WWTR1: variants seen among roughly 807,000 people sequenced by gnomAD.
The protein encoded by WWTR1 is WW domain containing transcription regulator 1.
A neutral mutation model predicts 40.1 loss-of-function variants in WWTR1; 13 were observed. That is an observed-to-expected ratio of 0.32 (90% CI 0.21 to 0.52). The LOEUF (loss-of-function observed/expected upper bound fraction) is 0.52. Ranked by LOEUF, WWTR1 falls within the 20% of genes least tolerant of loss-of-function variation. WWTR1 has a pLI of 0.97. For synonymous variants in WWTR1, 230 were observed against 210.1 expected (o/e 1.09, Z -0.82); for missense variants, 436 against 523.1 (o/e 0.83, Z 1.63).
intron 2 of WWTR1, among the ~76,000 whole-genome samples, chr3:149,583,501 T>A (rs1241752339): frequency 2.6e-5 from 4 of 152,110 alleles, no homozygotes; most frequent in Non-Finnish European, 5.9e-5. Context: ...CTTGCTCTGC[T>A]CCCCAAAATC....
chr3:149,585,915 G>T (rs192443711), intron 2 of WWTR1, among the ~76,000 whole-genome samples: 9 of 152,250 alleles, frequency 5.9e-5, no homozygotes, highest in Admixed American at 5.2e-4. Flanking sequence ...AGCCTTGAAG[G>T]TTCTATGACT....
upstream of WWTR1, chr3:149,661,009 T>C (rs934118547): frequency 5.9e-5 from 9 of 152,242 alleles, no homozygotes; most frequent in African/African-American, 2.2e-4. Flanking sequence ...GTGATTTGCC[T>C]TAACCAGGAA....
chr3:149,559,450 T>C (rs1736995228), intron 3 of WWTR1, among the ~76,000 whole-genome samples: 1 of 152,030 alleles, frequency 6.6e-6, no homozygotes, highest in African/African-American at 2.4e-5. Flanking sequence ...GATAGATGGA[T>C]AGATGGATAG....
chr3:149,620,087 C>T (rs1400241215), intron 2 of WWTR1, among the ~76,000 whole-genome samples: 1 of 152,168 alleles, frequency 6.6e-6, no homozygotes, highest in African/African-American at 2.4e-5. Flanking sequence ...TTTCTTAAAT[C>T]CTAGAAACAG....
At chr3:149,540,546 T>C (rs948662999) in intron 4 of WWTR1, among the ~76,000 whole-genome samples, 25 of 152,206 alleles carry the variant, frequency 1.6e-4, no homozygotes, top group African/African-American at 5.8e-4. Context: ...TAAAATGCTG[T>C]TGGGATACTG....
chr3:149,571,214 C>CTTTTTTTT (rs10535515), intron 3 of WWTR1, among the ~76,000 whole-genome samples: 12 of 101,252 alleles, frequency 1.2e-4, no homozygotes, highest in East Asian at 6.7e-4. Flanking sequence ...TTTTTCTTTT[C>CTTTTTTTT]TTTTTTTTTT....
intron 1 of WWTR1, among the ~76,000 whole-genome samples, chr3:149,677,242 T>C (rs1380064820): frequency 2.6e-5 from 4 of 152,032 alleles, no homozygotes; most frequent in Admixed American, 2.6e-4. Context: ...GAGGGCACAG[T>C]CCCTAGGCAA....
chr3:149,571,214 C>CTTTTTTTTT (rs10535515), intron 3 of WWTR1, among the ~76,000 whole-genome samples: 5 of 101,256 alleles, frequency 4.9e-5, no homozygotes, highest in African/African-American at 7.8e-5. Flanking sequence ...TTTTTCTTTT[C>CTTTTTTTTT]TTTTTTTTTT....
chr3:149,673,478 T>A (rs1455117494), intron 1 of WWTR1, among the ~76,000 whole-genome samples: 2 of 152,184 alleles, frequency 1.3e-5, no homozygotes, highest in Admixed American at 6.5e-5. Flanking sequence ...AGAGGGATCA[T>A]TCACACTGCA....
chr3:149,568,523 CAAAAAAAAAAAAAAAAAAA>C (rs34414853), intron 3 of WWTR1, among the ~76,000 whole-genome samples: 16 of 64,816 alleles, frequency 2.5e-4, no homozygotes, highest in South Asian at 1.4e-3. Context: ...AATTAAAGTG[CAAAAAAAAAAAAAAAAAAA>C]AAAAAAAAAA....
chr3:149,661,105 G>A (rs945296468), upstream of WWTR1: 4 of 152,200 alleles, frequency 2.6e-5, no homozygotes, highest in Non-Finnish European at 4.4e-5. Context: ...TGTACTTTTA[G>A]GAGACCTGAG....
chr3:149,677,937 A>ATTT (rs34388497), intron 1 of WWTR1, among the ~76,000 whole-genome samples: 23 of 142,840 alleles, frequency 1.6e-4, no homozygotes, highest in African/African-American at 5.9e-4. Flanking sequence ...TAATTTTTGT[A>ATTT]TTTTTTTTTT....
chr3:149,545,014 C>T (rs1736301705), intron 3 of WWTR1, among the ~76,000 whole-genome samples: 1 of 152,162 alleles, frequency 6.6e-6, no homozygotes, highest in African/African-American at 2.4e-5. Flanking sequence ...AGGGAAAGCT[C>T]AGGAAACGAT....
intron 2 of WWTR1, chr3:149,575,979 C>A (rs1199547500): frequency 6.6e-6 from 3 of 456,650 alleles, no homozygotes; most frequent in Admixed American, 4.7e-5. Flanking sequence ...ACCCAGCCAA[C>A]ACATTTAAAG....
At chr3:149,580,433 C>T (rs1738088438) in intron 2 of WWTR1, among the ~76,000 whole-genome samples, 1 of 152,120 alleles carries the variant, frequency 6.6e-6, no homozygotes, top group Non-Finnish European at 1.5e-5. Context: ...AGTGGAAGCC[C>T]ATTGCAGTGG....
chr3:149,565,928 C>CAAAAA (rs58536558), intron 3 of WWTR1, among the ~76,000 whole-genome samples: 3 of 73,462 alleles, frequency 4.1e-5, no homozygotes, highest in African/African-American at 1.1e-4. Flanking sequence ...AACTCTGTCT[C>CAAAAA]AAAAAAAAAA....
chr3:149,590,074 T>C (rs889602976), intron 2 of WWTR1, among the ~76,000 whole-genome samples: 4 of 152,174 alleles, frequency 2.6e-5, no homozygotes, highest in African/African-American at 4.8e-5. Flanking sequence ...CCAGGTACTA[T>C]ACACCATGGG....
chr3:149,559,310 A>AAAG (rs1289329089), intron 3 of WWTR1, among the ~76,000 whole-genome samples: 1 of 147,666 alleles, frequency 6.8e-6, no homozygotes, highest in African/African-American at 2.6e-5. Flanking sequence ...AAAAAAAAAA[A>AAAG]AAAGAAAAGA....
chr3:149,583,583 T>G (rs1360752874), intron 2 of WWTR1, among the ~76,000 whole-genome samples: 3 of 152,218 alleles, frequency 2.0e-5, no homozygotes, highest in Non-Finnish European at 2.9e-5. Context: ...CACTAGGCTT[T>G]GTGTACATTA....
Sources: gnomAD v4.1 joint callset for allele counts (sites outside exome capture counted in the v4.1 genomes callset) on GRCh38, gnomAD v4.1.1 for gene constraint, MANE v1.5 for transcripts, NCBI Gene and HGNC (gene_info 2026-07-23, HGNC 2026-07-21) for gene names.